The following ZNF215 variants were observed in gnomAD, a reference collection of about 807,000 sequenced individuals.
ZNF215 encodes BWSCR2-associated zinc finger protein 2.
A neutral mutation model predicts 27.2 loss-of-function variants in ZNF215; 24 were observed. The ratio of observed to expected loss-of-function variants is 0.88; its 90% CI spans 0.64 to 1.24. ZNF215 has a LOEUF of 1.24. Among genes scored for constraint, ZNF215 ranks in the 50% most tolerant of loss-of-function variants. The pLI is 0.00. For synonymous variants in ZNF215, 210 were observed against 204.0 expected (o/e 1.03, Z -0.25); for missense variants, 675 against 605.7 (o/e 1.11, Z -1.20).
downstream of ZNF215, among the ~76,000 whole-genome samples, chr11:6,959,134 T>C (rs1174850323): frequency 6.6e-6 from 1 of 152,226 alleles, no homozygotes; most frequent in Admixed American, 6.5e-5. Flanking sequence ...AAGGTCGATA[T>C]CTAAGCTGAA....
chr11:6,949,674 T>C (rs1357878378), intron 6 of ZNF215, among the ~76,000 whole-genome samples: 1 of 152,178 alleles, frequency 6.6e-6, no homozygotes, highest in Non-Finnish European at 1.5e-5. Context: ...TTCTCCCATT[T>C]TGTGGGTTGC....
intron 5 of ZNF215, among the ~76,000 whole-genome samples, chr11:6,973,043 C>G (rs1344880523): frequency 6.6e-6 from 1 of 152,006 alleles, no homozygotes; most frequent in East Asian, 1.9e-4. Context: ...TCTCATAATG[C>G]TTTCCCTCCC....
At chr11:6,986,665 AC>A (rs1290613564), downstream of ZNF215, among the ~76,000 whole-genome samples, 4 of 151,654 alleles carry the variant, frequency 2.6e-5, no homozygotes, top group African/African-American at 9.7e-5. Context: ...AAATCAACAA[AC>A]AAAAACCCCA....
rs753451888 is a variant in ZNF215, at chr11:6,941,597, C to A, written c.427C>A (p.Gln143Lys). The change falls in exon 4 of 7, where the codon CAG (glutamine) becomes AAG (lysine). Residue 143 changes from glutamine (Q) to lysine (K), a missense_variant. Gln to Lys is a moderately conservative substitution (Grantham distance 53). Coordinates refer to ENST00000278319, the MANE Select transcript of ZNF215 (RefSeq NM_013250.4). Reference sequence around the variant, plus strand: ...TATGCCCTGCAAGGACTCTGCCCTGCAGATGGGGAGCATCAAGGAGAAAAT... The same window carrying A: ...TATGCCCTGCAAGGACTCTGCCCTGAAGATGGGGAGCATCAAGGAGAAAAT... ...EDMPCKDSAL[Q>K]MGSIKEKMKA... 2 of 1,614,026 alleles carry A rather than the reference C, an allele frequency of 1.2e-6. No individual in the cohort carries two copies. Among genetic ancestry groups the A allele is most frequent in the South Asian group, 2.2e-5 (2 of 91,080 alleles).
intron 2 of ZNF215, among the ~76,000 whole-genome samples, chr11:6,931,159 G>T (rs1297348832): frequency 6.6e-6 from 1 of 152,196 alleles, no homozygotes; most frequent in East Asian, 1.9e-4. Flanking sequence ...ATAGTAAATT[G>T]CATCTGGACT....
chr11:6,935,921 T>A (rs1362020560), intron 3 of ZNF215, among the ~76,000 whole-genome samples: 1 of 151,944 alleles, frequency 6.6e-6, no homozygotes, highest in Non-Finnish European at 1.5e-5. Flanking sequence ...CACAGATAAG[T>A]GGAAATTAAC....
downstream of ZNF215, among the ~76,000 whole-genome samples, chr11:6,987,369 A>G (rs955196864): frequency 2.0e-5 from 3 of 152,132 alleles, no homozygotes; most frequent in African/African-American, 7.2e-5. Context: ...GGGGAATACA[A>G]GAGGTGGGAG....
intron 5 of ZNF215, among the ~76,000 whole-genome samples, chr11:6,975,875 T>C (rs1285323278): frequency 6.6e-6 from 1 of 152,144 alleles, no homozygotes; most frequent in Non-Finnish European, 1.5e-5. Context: ...AACAGTAGGA[T>C]TGCTGGATCA....
intron 6 of ZNF215, among the ~76,000 whole-genome samples, chr11:6,944,057 C>G (rs1251166840): frequency 6.6e-6 from 1 of 152,128 alleles, no homozygotes; most frequent in Non-Finnish European, 1.5e-5. Flanking sequence ...GGGCGGATCA[C>G]AAGGTCAGGA....
downstream of ZNF215, among the ~76,000 whole-genome samples, chr11:6,962,575 AG>A (rs1274094782): frequency 6.6e-6 from 1 of 152,080 alleles, no homozygotes; most frequent in Non-Finnish European, 1.5e-5. Flanking sequence ...AGCAAGTGGA[AG>A]TGTATTTTTT....
At chr11:6,930,443 G>C (rs1303233214) in intron 2 of ZNF215, among the ~76,000 whole-genome samples, 1 of 152,126 alleles carries the variant, frequency 6.6e-6, no homozygotes, top group Non-Finnish European at 1.5e-5. Context: ...TTATCACATG[G>C]ATCATTCTAG....
intron 3 of ZNF215, among the ~76,000 whole-genome samples, chr11:6,940,254 C>T (rs889740261): frequency 5.3e-5 from 8 of 150,192 alleles, no homozygotes; most frequent in African/African-American, 2.0e-4. Context: ...AAAAAGTTAA[C>T]AGACCATAAT....
At chr11:6,980,023 CACA>C (rs1184213942) in intron 5 of ZNF215, among the ~76,000 whole-genome samples, 1 of 152,052 alleles carries the variant, frequency 6.6e-6, no homozygotes, top group Admixed American at 6.6e-5. Flanking sequence ...GCGTGCAACA[CACA>C]ACAAAATTTA....
rs570396909 is a variant in ZNF215 at position 6,929,186 on chromosome 11, A to G, written c.-180+1379A>G. 1.8e-3 allele frequency among the ~76,000 whole-genome samples: 267 copies of G among 152,320 alleles called. 4 individuals carry two copies. The highest frequency in any genetic ancestry group is 0.016 in the South Asian group (77 of 4,826). ...AAGGCACCTGCCTCTGTGGCTTTCCACTTGCTGTGGGAAATCCTCTGGGGA... is the reference window on the plus strand; with the variant it reads ...AAGGCACCTGCCTCTGTGGCTTTCCGCTTGCTGTGGGAAATCCTCTGGGGA... On this transcript the variant is annotated intron_variant, in intron 2 of 6. Coordinates refer to ENST00000278319, the MANE Select transcript of ZNF215 (RefSeq NM_013250.4).
intron 3 of ZNF215, among the ~76,000 whole-genome samples, chr11:6,937,415 A>G (rs1370549009): frequency 6.6e-6 from 1 of 151,644 alleles, no homozygotes; most frequent in Admixed American, 6.6e-5. Flanking sequence ...GGAAAACTTA[A>G]TATCATAAAG....
At chr11:6,945,454 C>T (rs917983670) in intron 6 of ZNF215, among the ~76,000 whole-genome samples, 4 of 152,128 alleles carry the variant, frequency 2.6e-5, no homozygotes, top group Non-Finnish European at 5.9e-5. Context: ...GCTTGTTTTT[C>T]TCATTTCCTC....
intron 2 of ZNF215, among the ~76,000 whole-genome samples, chr11:6,930,533 G>C (rs1359767020): frequency 6.6e-6 from 1 of 152,084 alleles, no homozygotes; most frequent in Non-Finnish European, 1.5e-5. Flanking sequence ...CCATTAAACT[G>C]TCTTTTCATA....
intron 5 of ZNF215, among the ~76,000 whole-genome samples, chr11:6,976,811 A>G (rs895722753): frequency 6.6e-6 from 1 of 152,100 alleles, no homozygotes; most frequent in African/African-American, 2.4e-5. Context: ...TGTTTCTTCT[A>G]TAAGTTTCCT....
chr11:6,951,576 G>A (rs2133270428), intron 6 of ZNF215, among the ~76,000 whole-genome samples: 1 of 152,250 alleles, frequency 6.6e-6, no homozygotes, highest in East Asian at 1.9e-4. Context: ...GATCGGTGGT[G>A]ATATCTCCTT....
Sources: gnomAD v4.1 joint callset for allele counts (sites outside exome capture counted in the v4.1 genomes callset) on GRCh38, gnomAD v4.1.1 for gene constraint, MANE v1.5 for transcripts, NCBI Gene and HGNC (gene_info 2026-07-23, HGNC 2026-07-21) for gene names.